Variants in CCDC6 observed in about 807,000 individuals in gnomAD.
CCDC6 encodes the protein coiled-coil domain containing 6, also known as coiled-coil domain-containing protein 6.
Under a neutral mutation model 56.6 loss-of-function variants are expected in CCDC6, and 20 were observed. The ratio of observed to expected loss-of-function variants is 0.35; its 90% CI spans 0.25 to 0.51. CCDC6 has a LOEUF of 0.51. CCDC6 is among the 20% of genes least tolerant of loss of function. CCDC6 has a pLI of 0.95. For synonymous variants in CCDC6, 241 were observed against 234.4 expected (o/e 1.03, Z -0.26); for missense variants, 367 against 601.1 (o/e 0.61, Z 4.07).
At chr10:59,869,405 A>AAAAAAAAAAAAAAAAAAAAAG (rs2071207004) in intron 1 of CCDC6, among the ~76,000 whole-genome samples, 1 of 94,862 alleles carries the variant, frequency 1.1e-5, no homozygotes, top group Admixed American at 1.3e-4. Context: ...AAAAAAAAAA[A>AAAAAAAAAAAAAAAAAAAAAG]AAAAAAAAAA....
intron 2 of CCDC6, among the ~76,000 whole-genome samples, chr10:59,840,368 G>A (rs561381876): frequency 6.6e-6 from 1 of 152,014 alleles, no homozygotes; most frequent in African/African-American, 2.4e-5. Context: ...TTTCCTCTGG[G>A]TTGTTTGCTT....
At chr10:59,905,575 A>G (rs1338245231) in intron 1 of CCDC6, among the ~76,000 whole-genome samples, 2 of 152,104 alleles carry the variant, frequency 1.3e-5, no homozygotes, top group Non-Finnish European at 2.9e-5. Flanking sequence ...CCCGGCCAGA[A>G]AACTCCACTT....
chr10:59,837,872 T>C (rs1270888290), intron 2 of CCDC6, among the ~76,000 whole-genome samples: 1 of 150,982 alleles, frequency 6.6e-6, no homozygotes, highest in East Asian at 1.9e-4. Flanking sequence ...TTATTGAAAA[T>C]TACCAAGGAA....
rs1433803269 is a variant in CCDC6 at position 59,877,358 on chromosome 10, C to T, written c.304-24656G>A. ...CTCAACGTAGTACAGAACATCCTAG[C>T]TAATGCAGGAAATAGAAAGAAAATA... On this transcript the variant is annotated intron_variant, in intron 1 of 8. Transcript: ENST00000263102. Among the ~76,000 whole-genome samples, 3 of 152,166 alleles carry T rather than the reference C, an allele frequency of 2.0e-5. No individual in the cohort carries two copies. The East Asian group carries it at 5.8e-4, about 29-fold the overall frequency.
chr10:59,793,806 A>G (rs899781794), intron 8 of CCDC6, among the ~76,000 whole-genome samples: 1 of 151,972 alleles, frequency 6.6e-6, no homozygotes. Context: ...ACTTTTACAT[A>G]AAGTCCATCA....
At chr10:59,808,010 G>T (rs1423887811) in intron 5 of CCDC6, among the ~76,000 whole-genome samples, 1 of 152,206 alleles carries the variant, frequency 6.6e-6, no homozygotes, top group African/African-American at 2.4e-5. Flanking sequence ...TGTGGTGTGT[G>T]TGTGGCTGTC....
At chr10:59,855,834 T>C (rs1014594834) in intron 1 of CCDC6, among the ~76,000 whole-genome samples, 2 of 152,212 alleles carry the variant, frequency 1.3e-5, no homozygotes, top group African/African-American at 4.8e-5. Flanking sequence ...ACCAGTTTCC[T>C]TTGCATTTCT....
In CCDC6 at chr10:59,817,007, T is replaced by C. The variant is rs140143711; in HGVS notation, c.583-2252A>G. On this transcript the variant is annotated intron_variant, in intron 3 of 8. Coordinates refer to ENST00000263102, the MANE Select transcript of CCDC6 (RefSeq NM_005436.5). The stretch of plus-strand genomic sequence containing the variant: ...AGGGTGTCAAAATAAGTCAAATATA[T>C]TGTGCCGCAAAGTTGGGACCCCACT... Among the ~76,000 whole-genome samples the C allele has an allele frequency of 4.2e-3, 636 of 152,276 alleles. 19 individuals are homozygous for C. Among genetic ancestry groups the C allele is most frequent in the Non-Finnish European group, 1.4e-3 (94 of 68,020 alleles).
intron 3 of CCDC6, among the ~76,000 whole-genome samples, chr10:59,822,665 CAGG>C (rs2070757756): frequency 1.3e-5 from 2 of 151,936 alleles, no homozygotes; most frequent in African/African-American, 4.8e-5. Flanking sequence ...GAGGCTCATG[CAGG>C]AGGACTGCTT....
intron 7 of CCDC6, 62 bp from the exon 8 acceptor site, chr10:59,794,659 C>T: frequency 6.7e-7 from 1 of 1,500,526 alleles, no homozygotes; most frequent in Non-Finnish European, 9.2e-7. Context: ...CTTCAACTAT[C>T]TAGGAGGTTT....
At chr10:59,875,930 C>T (rs2071274701) in intron 1 of CCDC6, among the ~76,000 whole-genome samples, 2 of 152,064 alleles carry the variant, frequency 1.3e-5, no homozygotes, top group East Asian at 3.8e-4. Flanking sequence ...TGGACATTAA[C>T]CTGAGACTAT....
chr10:59,885,754 G>A (rs138672671), intron 1 of CCDC6, among the ~76,000 whole-genome samples: 50 of 152,222 alleles, frequency 3.3e-4, no homozygotes, highest in African/African-American at 1.2e-3. Flanking sequence ...ATATACAGGG[G>A]ATTGCAGCCT....
At chr10:59,843,434 G>A (rs1256755060) in intron 2 of CCDC6, among the ~76,000 whole-genome samples, 3 of 152,206 alleles carry the variant, frequency 2.0e-5, no homozygotes, top group Admixed American at 1.3e-4. Context: ...ACATTTGAAT[G>A]TCTACAAGAA....
rs894887764 is a variant in CCDC6 at position 59,793,068 on chromosome 10, C to T, written c.1274G>A (p.Arg425Gln). ...GTTGGGAGATGGAGGCGGCGTGGGC[C>T]GTTTGAATTTGTCAGGACTGTTGCT... ...RRSNSPDKFK[R>Q]PTPPPSPNTQ... is the part of the protein sequence containing the mutation. The change falls in exon 9 of 9, where the codon CGG becomes CAG. Residue 425 changes from arginine (R) to glutamine (Q), a missense_variant. Coordinates refer to ENST00000263102, the MANE Select transcript of CCDC6 (RefSeq NM_005436.5). The T allele has an allele frequency of 2.5e-6, 4 of 1,613,864 alleles. No homozygotes were observed. The highest frequency in any genetic ancestry group is 1.3e-5 in the African/African-American group (1 of 74,868).
chr10:59,891,572 GA>G (rs2071422374), intron 1 of CCDC6, among the ~76,000 whole-genome samples: 1 of 152,142 alleles, frequency 6.6e-6, no homozygotes, highest in Non-Finnish European at 1.5e-5. Context: ...GGCCAAGTAA[GA>G]ACCAACCACG....
At chr10:59,866,831 C>A (rs1325960951) in intron 1 of CCDC6, among the ~76,000 whole-genome samples, 1 of 152,164 alleles carries the variant, frequency 6.6e-6, no homozygotes, top group Non-Finnish European at 1.5e-5. Context: ...TAACTTCCCA[C>A]AAAAGTCAAC....
At chr10:59,905,158 A>G (rs978839912) in intron 1 of CCDC6, among the ~76,000 whole-genome samples, 27 of 152,270 alleles carry the variant, frequency 1.8e-4, no homozygotes, top group African/African-American at 6.0e-4. Context: ...CAGGGATGAT[A>G]GGTGAGAGTA....
At chr10:59,832,438 C>T (rs2070842349) in intron 3 of CCDC6, 87 bp downstream of exon 3, 2 of 1,323,298 alleles carry the variant, frequency 1.5e-6, no homozygotes, top group Non-Finnish European at 1.0e-6. Flanking sequence ...CTACTTTTCA[C>T]TTAAATTCCT....
At chr10:59,881,761 T>C (rs2071337117) in intron 1 of CCDC6, among the ~76,000 whole-genome samples, 1 of 152,210 alleles carries the variant, frequency 6.6e-6, no homozygotes, top group Non-Finnish European at 1.5e-5. Context: ...GGAGCTCTAC[T>C]TGGTATTAAG....
Sources: allele counts gnomAD v4.1 joint callset (sites outside exome capture counted in the v4.1 genomes callset), GRCh38; gene constraint gnomAD v4.1.1; transcripts MANE v1.5; gene names NCBI Gene and HGNC (gene_info 2026-07-23, HGNC 2026-07-21).